RSBN1L: variants seen among roughly 807,000 people sequenced by gnomAD.
RSBN1L encodes the protein round spermatid basic protein 1 like, also known as lysine-specific demethylase RSBN1L.
A neutral mutation model predicts 67.7 loss-of-function variants in RSBN1L; 30 were observed. That is an observed-to-expected ratio of 0.44 (90% CI 0.33 to 0.60). The LOEUF (loss-of-function observed/expected upper bound fraction) is 0.60, where lower values mean the gene tolerates loss of function less well. RSBN1L is among the 20% of genes least tolerant of loss of function. The probability of loss-of-function intolerance (pLI) is 0.02; values close to 1 mark genes in which losing one functional copy is unlikely to be tolerated. For synonymous variants in RSBN1L, 433 were observed against 387.0 expected, an observed-to-expected ratio of 1.12 and a Z score of -1.39; for missense variants, 992 against 1,031.7, an observed-to-expected ratio of 0.96 and a Z score of 0.53.
intron 3 of RSBN1L, among the ~76,000 whole-genome samples, chr7:77,753,451 C>T (rs1413709781): frequency 6.6e-6 from 1 of 152,122 alleles, no homozygotes; most frequent in Non-Finnish European, 1.5e-5. Flanking sequence ...TCCACTCTGT[C>T]AATTTCTTAT....
At chr7:77,700,855 C>T (rs865828224) in intron 1 of RSBN1L, among the ~76,000 whole-genome samples, 1 of 152,094 alleles carries the variant, frequency 6.6e-6, no homozygotes, top group African/African-American at 2.4e-5. Flanking sequence ...TCCATTTGTT[C>T]CTGTAGACAT....
intron 3 of RSBN1L, among the ~76,000 whole-genome samples, chr7:77,765,233 T>C (rs531545001): frequency 6.6e-6 from 1 of 152,370 alleles, no homozygotes; most frequent in Non-Finnish European, 1.5e-5. Context: ...GTCTTAACTC[T>C]GTTTTCATAA....
intron 4 of RSBN1L, among the ~76,000 whole-genome samples, chr7:77,766,773 T>A (rs1216712660): frequency 6.6e-6 from 1 of 152,098 alleles, no homozygotes; most frequent in Admixed American, 6.5e-5. Context: ...GCTTGGTGTT[T>A]TTACCCTATA....
rs185283897 is a variant in RSBN1L, at chr7:77,782,703, G to A, written c.*3535G>A. The stretch of plus-strand genomic sequence containing the variant: ...CATATATTCATTTTTAATGCATTCT[G>A]TAACTTTTCTCGAGTGGTGGTCATT... On this transcript the variant is annotated 3_prime_UTR_variant, in exon 8 of 8. Coordinates refer to ENST00000334955, the MANE Select transcript of RSBN1L (RefSeq NM_198467.3). The A allele has an allele frequency of 7.2e-5, 11 of 152,116 alleles. No individual in the cohort carries two copies. Among genetic ancestry groups the A allele is most frequent in the Admixed American group, 7.2e-4 (11 of 15,266 alleles). 9.4% of individuals were successfully genotyped at this position (152,116 alleles called of 1,614,324 possible). A position where few individuals can be genotyped will look rare whatever the true frequency, so the allele number is the denominator to read the frequency against.
At chr7:77,724,488 C>T (rs1381517006) in intron 1 of RSBN1L, among the ~76,000 whole-genome samples, 15 of 146,524 alleles carry the variant, frequency 1.0e-4, no homozygotes, top group African/African-American at 2.5e-4. Context: ...TACACTGGTG[C>T]GCTCTTGGTT....
At chr7:77,759,170 A>G (rs1216977125) in intron 3 of RSBN1L, among the ~76,000 whole-genome samples, 2 of 152,222 alleles carry the variant, frequency 1.3e-5, no homozygotes, top group Non-Finnish European at 2.9e-5. Flanking sequence ...GTGTTAGGCT[A>G]CTAAAAGCAA....
chr7:77,714,333 T>G (rs1162155115), intron 1 of RSBN1L, among the ~76,000 whole-genome samples: 1 of 152,222 alleles, frequency 6.6e-6, no homozygotes, highest in African/African-American at 2.4e-5. Context: ...AGCAGATTTT[T>G]ATCACCGCAG....
chr7:77,758,174 T>G (rs7784431), intron 3 of RSBN1L, among the ~76,000 whole-genome samples: 18,706 of 152,144 alleles, frequency 0.12, 1,220 homozygotes, highest in African/African-American at 0.15. Context: ...AAGTTGTGAA[T>G]TATATATATT....
At chr7:77,707,163 A>G (rs1024219362) in intron 1 of RSBN1L, among the ~76,000 whole-genome samples, 2 of 151,706 alleles carry the variant, frequency 1.3e-5, no homozygotes, top group African/African-American at 4.8e-5. Context: ...AGCTGGACTT[A>G]CAGTTGTGTG....
chr7:77,762,438 ATT>A (rs1274240001), intron 3 of RSBN1L, among the ~76,000 whole-genome samples: 2 of 152,176 alleles, frequency 1.3e-5, no homozygotes, highest in Non-Finnish European at 2.9e-5. Flanking sequence ...GTCTATACTA[ATT>A]TAGACGTGTT....
At chr7:77,760,689 A>G (rs940435313) in intron 3 of RSBN1L, among the ~76,000 whole-genome samples, 2 of 152,190 alleles carry the variant, frequency 1.3e-5, no homozygotes, top group African/African-American at 4.8e-5. Context: ...GCTGGAGTGC[A>G]GTGGTGCGAT....
chr7:77,726,128 G>A (rs1791200633), intron 1 of RSBN1L, among the ~76,000 whole-genome samples: 1 of 152,154 alleles, frequency 6.6e-6, no homozygotes, highest in Admixed American at 6.5e-5. Context: ...TGCAAAGGTA[G>A]TACAGAATTC....
chr7:77,748,006 A>T (rs1357823383), intron 2 of RSBN1L, among the ~76,000 whole-genome samples: 3 of 152,096 alleles, frequency 2.0e-5, no homozygotes, highest in Non-Finnish European at 4.4e-5. Flanking sequence ...TAAGGAGAGG[A>T]AATACCTTTG....
rs929314547 is a variant in RSBN1L, at chr7:77,763,035, T to G, written c.1345-2460T>G. Among the ~76,000 whole-genome samples, 3 of 152,176 alleles carry G rather than the reference T, an allele frequency of 2.0e-5. No individual in the cohort carries two copies. In the East Asian group the frequency reaches 5.8e-4, roughly 29 times the overall value. ...ATGAACCAACTCAGTGGCAAGGACT[T>G]GATTATGGCTTTGTTAGAACTAAAT... On this transcript the variant is annotated intron_variant, in intron 3 of 7. Transcript: ENST00000334955.
intron 1 of RSBN1L, among the ~76,000 whole-genome samples, chr7:77,709,176 GTGTGTGTGTGTGTGTGTGTGTA>G (rs1325642545): frequency 1.2e-4 from 15 of 129,482 alleles, no homozygotes; most frequent in Non-Finnish European, 2.1e-4. Flanking sequence ...GTGTGTGTGT[GTGTGTGTGTGTGTGTGTGTGTA>G]TGTATGTGTA....
intron 5 of RSBN1L, among the ~76,000 whole-genome samples, chr7:77,770,682 T>A (rs1048175029): frequency 6.7e-6 from 1 of 149,090 alleles, no homozygotes; most frequent in Non-Finnish European, 1.5e-5. Flanking sequence ...ACCTATCTCT[T>A]AAAAAAAAAA....
chr7:77,752,290 G>C (rs1447908618), intron 3 of RSBN1L, among the ~76,000 whole-genome samples: 1 of 152,294 alleles, frequency 6.6e-6, no homozygotes, highest in African/African-American at 2.4e-5. Flanking sequence ...TGTGTGATCT[G>C]CTACCCTGGT....
intron 3 of RSBN1L, among the ~76,000 whole-genome samples, chr7:77,750,514 A>T (rs1314560153): frequency 6.6e-6 from 1 of 152,148 alleles, no homozygotes; most frequent in African/African-American, 2.4e-5. Flanking sequence ...GTATGAAGGA[A>T]TCATCAGTTA....
chr7:77,701,767 T>A (rs990454999), intron 1 of RSBN1L, among the ~76,000 whole-genome samples: 1 of 151,724 alleles, frequency 6.6e-6, no homozygotes, highest in Non-Finnish European at 1.5e-5. Context: ...TTCTCCTGCC[T>A]CAGCCTCCCA....
Sources: gnomAD v4.1 joint callset for allele counts (sites outside exome capture counted in the v4.1 genomes callset) on GRCh38, gnomAD v4.1.1 for gene constraint, MANE v1.5 for transcripts, NCBI Gene and HGNC (gene_info 2026-07-23, HGNC 2026-07-21) for gene names.